The following NDE1 variants were observed in gnomAD, a reference collection of about 807,000 sequenced individuals.
NDE1 encodes the protein nudE neurodevelopment protein 1.
In NDE1, 28 loss-of-function variants were observed where a neutral mutation model predicts 43.4. That is an observed-to-expected ratio of 0.65 (90% CI 0.48 to 0.89). The LOEUF (loss-of-function observed/expected upper bound fraction) is 0.89, where lower values mean the gene tolerates loss of function less well. NDE1 is among the 40% of genes least tolerant of loss of function. The pLI is 0.00. For missense variants in NDE1, 441 were observed against 434.1 expected, an observed-to-expected ratio of 1.02 and a Z score of -0.14; for synonymous variants, 184 against 172.0, an observed-to-expected ratio of 1.07 and a Z score of -0.55.
intron 1 of NDE1, chr16:15,651,609 T>C (rs749951298): frequency 1.1e-4 from 16 of 151,414 alleles, no homozygotes; most frequent in Non-Finnish European, 1.9e-4. Context: ...GCCTGGCTAA[T>C]TTTTTGTATT....
rs925759805 is a variant in NDE1, at chr16:15,718,442, G to T, written c.948-5749G>T. 4 of 1,555,086 alleles carry T rather than the reference G, an allele frequency of 2.6e-6. No homozygotes were observed. The highest frequency in any genetic ancestry group is 2.3e-5 in the South Asian group (2 of 87,058). On this transcript the variant is annotated intron_variant, in intron 8 of 8. Transcript: ENST00000396354. ...CTTCTCGTCCTGGAGTGCGTTCCTG[G>T]GGGAAGGGCGGCCATGGTGGGGGCC...
intron 3 of NDE1, among the ~76,000 whole-genome samples, chr16:15,677,585 CA>C (rs1875415789): frequency 7.0e-6 from 1 of 143,612 alleles, no homozygotes; most frequent in Non-Finnish European, 1.5e-5. Flanking sequence ...GACTCGGCCT[CA>C]AAAGAAAAAA....
At chr16:15,714,946 T>G in intron 8 of NDE1, 3 of 1,614,094 alleles carry the variant, frequency 1.9e-6, no homozygotes, top group Non-Finnish European at 1.7e-6. Context: ...TCGCGGCCCA[T>G]GGCCTCGTTG....
intron 7 of NDE1, 111 bp from the exon 8 acceptor site, chr16:15,696,598 T>C: frequency 6.3e-7 from 1 of 1,588,410 alleles, no homozygotes; most frequent in Non-Finnish European, 8.5e-7. Flanking sequence ...GGAATTCCAG[T>C]GCACAACAGT....
intron 8 of NDE1, among the ~76,000 whole-genome samples, chr16:15,706,002 A>T (rs1026312398): frequency 1.3e-5 from 2 of 150,986 alleles, no homozygotes; most frequent in East Asian, 3.9e-4. Context: ...AAAAAAAAAA[A>T]AAATCAAGGC....
At chr16:15,653,978 GCCTCAC>G (rs1241562157) in intron 1 of NDE1, among the ~76,000 whole-genome samples, 1 of 151,994 alleles carries the variant, frequency 6.6e-6, no homozygotes, top group Non-Finnish European at 1.5e-5. Context: ...TGATCTGCCT[GCCTCAC>G]CCTCCCAAAG....
At chr16:15,709,632 A>C (rs998016188) in intron 8 of NDE1, among the ~76,000 whole-genome samples, 3 of 152,172 alleles carry the variant, frequency 2.0e-5, no homozygotes, top group African/African-American at 7.2e-5. Flanking sequence ...TTAAATGGAA[A>C]GGAAAATGTC....
intron 3 of NDE1, among the ~76,000 whole-genome samples, chr16:15,674,873 ATTT>A (rs1200539143): frequency 6.6e-6 from 1 of 151,964 alleles, no homozygotes; most frequent in Admixed American, 6.6e-5. Context: ...TGCCCTGCTA[ATTT>A]TTATTTTTTG....
chr16:15,672,108 C>T (rs2037624077), intron 3 of NDE1, among the ~76,000 whole-genome samples: 1 of 151,992 alleles, frequency 6.6e-6, no homozygotes, highest in Non-Finnish European at 1.5e-5. Flanking sequence ...AGTAAAATAT[C>T]AAGAGAATTA....
At chr16:15,699,039 C>G (rs896807196) in intron 8 of NDE1, among the ~76,000 whole-genome samples, 20 of 151,760 alleles carry the variant, frequency 1.3e-4, no homozygotes, top group Admixed American at 4.6e-4. Context: ...TGCACACCAC[C>G]ACCCCTGGCT....
At chr16:15,695,813 T>C (rs1466651026) in intron 7 of NDE1, 1 of 656,072 alleles carries the variant, frequency 1.5e-6, no homozygotes, top group African/African-American at 2.0e-5. Flanking sequence ...AGTTGGAGTA[T>C]AGAGAAGCCT....
intron 3 of NDE1, among the ~76,000 whole-genome samples, chr16:15,675,933 G>C (rs2037847465): frequency 6.6e-6 from 1 of 152,134 alleles, no homozygotes; most frequent in Non-Finnish European, 1.5e-5. Context: ...CTGAGCTTCA[G>C]TGTTCATGTC....
chr16:15,701,243 A>T (rs1198619091), intron 8 of NDE1: 1 of 152,228 alleles, frequency 6.6e-6, no homozygotes, highest in Non-Finnish European at 1.5e-5. Context: ...TCTCCAAAAA[A>T]AAAAAAAAAG....
intron 3 of NDE1, among the ~76,000 whole-genome samples, chr16:15,674,943 A>C (rs1314121093): frequency 8.6e-5 from 13 of 151,928 alleles, no homozygotes; most frequent in Admixed American, 7.9e-4. Context: ...ATACGGTGAT[A>C]ATGTGTGAAA....
At position 15,721,588 on chromosome 16, in the gene NDE1, C is replaced by T. The variant is rs2040487068; in HGVS notation, c.948-2603C>T. ...CCTGGCTTCTGCCTCAGCTCTGTCC[C>T]TCTCATCCGCGTATTTGGAAGAGAT... is the stretch of plus-strand genomic sequence containing the variant. On this transcript the variant is annotated intron_variant, in intron 8 of 8. Coordinates refer to ENST00000396354, the MANE Select transcript of NDE1 (RefSeq NM_017668.3). 3.7e-6 allele frequency: 6 copies of T among 1,614,204 alleles called. No individual in the cohort carries two copies. The highest frequency in any genetic ancestry group is 5.1e-6 in the Non-Finnish European group (6 of 1,180,040).
intron 8 of NDE1, among the ~76,000 whole-genome samples, chr16:15,709,164 A>G (rs2039639142): frequency 6.6e-6 from 1 of 150,932 alleles, no homozygotes; most frequent in Admixed American, 6.6e-5. Context: ...CTTGTCTCCA[A>G]CTCCTGATGT....
chr16:15,674,832 C>T (rs1341321566), intron 3 of NDE1, among the ~76,000 whole-genome samples: 1 of 152,072 alleles, frequency 6.6e-6, no homozygotes, highest in Non-Finnish European at 1.5e-5. Context: ...CCATCTCAGC[C>T]TCCTAACTGG....
chr16:15,694,016 G>A, intron 6 of NDE1, 149 bp from the exon 7 acceptor site: 1 of 922,846 alleles, frequency 1.1e-6, no homozygotes, highest in Non-Finnish European at 1.7e-6. Context: ...GTGTGATGCG[G>A]TTAACTACGG....
intron 3 of NDE1, among the ~76,000 whole-genome samples, chr16:15,676,226 T>G (rs372939805): frequency 0.057 from 582 of 10,152 alleles, 1 homozygote; most frequent in African/African-American, 0.24. Context: ...GTTTTTCTGG[T>G]TTTTTTTTTT....
Sources: allele counts gnomAD v4.1 joint callset (sites outside exome capture counted in the v4.1 genomes callset), GRCh38; gene constraint gnomAD v4.1.1; transcripts MANE v1.5; gene names NCBI Gene and HGNC (gene_info 2026-07-23, HGNC 2026-07-21).